GRM1: variants seen among roughly 807,000 people sequenced by gnomAD.
GRM1 encodes glutamate metabotropic receptor 1, also known as metabotropic glutamate receptor 1.
In GRM1, 33 loss-of-function variants were observed where a neutral mutation model predicts 90.9. The ratio of observed to expected loss-of-function variants is 0.36; its 90% CI spans 0.28 to 0.49. The LOEUF (loss-of-function observed/expected upper bound fraction) is 0.49. Ranked by LOEUF, GRM1 falls within the 20% of genes least tolerant of loss-of-function variation. The probability of loss-of-function intolerance (pLI) is 0.99; values close to 1 mark genes in which losing one functional copy is unlikely to be tolerated. For missense variants in GRM1, 1,190 were observed against 1,534.3 expected, an observed-to-expected ratio of 0.78 and a Z score of 3.75; for synonymous variants, 700 against 613.2, an observed-to-expected ratio of 1.14 and a Z score of -2.09.
At chr6:146,078,795 C>T (rs546806356) in intron 1 of GRM1, among the ~76,000 whole-genome samples, 14 of 152,142 alleles carry the variant, frequency 9.2e-5, no homozygotes, top group Non-Finnish European at 1.6e-4. Flanking sequence ...AGAACATAGA[C>T]AACGGTGTGT....
chr6:146,406,597 G>A (rs1777356621), intron 7 of GRM1, among the ~76,000 whole-genome samples: 1 of 152,124 alleles, frequency 6.6e-6, no homozygotes, highest in African/African-American at 2.4e-5. Context: ...GGGAGGCTGA[G>A]GTGGGTGAAT....
chr6:146,264,546 T>C (rs1301794802), intron 2 of GRM1, among the ~76,000 whole-genome samples: 1 of 151,744 alleles, frequency 6.6e-6, no homozygotes, highest in East Asian at 1.9e-4. Flanking sequence ...GATTCGGGGG[T>C]TACATGTGTA....
intron 3 of GRM1, 97 bp from the exon 4 acceptor site, chr6:146,352,153 C>G: frequency 7.8e-7 from 1 of 1,280,454 alleles, no homozygotes; most frequent in Middle Eastern, 2.0e-4. Context: ...TGCTCATTCC[C>G]TTCCTCTGAG....
At chr6:146,132,436 A>G (rs1293483169) in intron 1 of GRM1, among the ~76,000 whole-genome samples, 1 of 152,238 alleles carries the variant, frequency 6.6e-6, no homozygotes, top group African/African-American at 2.4e-5. Flanking sequence ...AAATGATTTC[A>G]TTATGAATGG....
At chr6:146,257,973 C>T (rs1352892650) in intron 2 of GRM1, among the ~76,000 whole-genome samples, 2 of 146,862 alleles carry the variant, frequency 1.4e-5, no homozygotes, top group Admixed American at 1.4e-4. Context: ...ACTTTCCATC[C>T]GTTTGTTCTT....
intron 5 of GRM1, among the ~76,000 whole-genome samples, chr6:146,377,984 A>G (rs1227473312): frequency 2.0e-5 from 3 of 152,204 alleles, no homozygotes; most frequent in Non-Finnish European, 4.4e-5. Context: ...AAATGGGCCA[A>G]TATAGTGCTC....
intron 5 of GRM1, among the ~76,000 whole-genome samples, chr6:146,375,904 TG>T (rs1028294804): frequency 5.3e-5 from 8 of 152,054 alleles, no homozygotes; most frequent in Admixed American, 2.0e-4. Context: ...CCTACCATTT[TG>T]TTATTTGTTT....
chr6:146,321,255 G>T (rs899784343), intron 3 of GRM1, among the ~76,000 whole-genome samples: 1 of 152,142 alleles, frequency 6.6e-6, no homozygotes, highest in African/African-American at 2.4e-5. Flanking sequence ...GGAGCAGGTT[G>T]TTCAGTTTCC....
intron 1 of GRM1, among the ~76,000 whole-genome samples, chr6:146,088,830 C>T (rs1019576415): frequency 2.0e-5 from 3 of 152,012 alleles, no homozygotes; most frequent in African/African-American, 7.2e-5. Context: ...TTCCCTTGTC[C>T]CCACATCTGT....
intron 5 of GRM1, among the ~76,000 whole-genome samples, chr6:146,377,936 C>A (rs1240564528): frequency 1.3e-5 from 2 of 152,114 alleles, no homozygotes; most frequent in African/African-American, 4.8e-5. Context: ...TGTGTGTGCA[C>A]CCTAGGGATT....
At chr6:146,413,367 G>GA (rs1562681823) in intron 7 of GRM1, among the ~76,000 whole-genome samples, 2 of 151,838 alleles carry the variant, frequency 1.3e-5, no homozygotes, top group African/African-American at 4.8e-5. Flanking sequence ...GATTGTATTA[G>GA]GTCAATATTC....
intron 1 of GRM1, among the ~76,000 whole-genome samples, chr6:146,151,294 A>G (rs762970397): frequency 1.2e-4 from 19 of 152,210 alleles, no homozygotes; most frequent in Non-Finnish European, 2.6e-4. Flanking sequence ...TATTTTCTCT[A>G]TATGAATGTT....
intron 1 of GRM1, among the ~76,000 whole-genome samples, chr6:146,153,794 G>C (rs1157586298): frequency 6.6e-6 from 1 of 152,062 alleles, no homozygotes; most frequent in Non-Finnish European, 1.5e-5. Context: ...CTTAAAAGTT[G>C]AACAGCAACA....
At chr6:146,298,197 T>C (rs1783252172) in intron 2 of GRM1, among the ~76,000 whole-genome samples, 1 of 152,226 alleles carries the variant, frequency 6.6e-6, no homozygotes, top group African/African-American at 2.4e-5. Context: ...ATATATACTT[T>C]TGTGCCCTTT....
intron 2 of GRM1, among the ~76,000 whole-genome samples, chr6:146,214,173 C>T (rs1053863668): frequency 6.6e-6 from 1 of 152,164 alleles, no homozygotes; most frequent in Non-Finnish European, 1.5e-5. Flanking sequence ...TGGAAATACT[C>T]TCATTCTAGA....
intron 1 of GRM1, among the ~76,000 whole-genome samples, chr6:146,157,155 C>T (rs185710872): frequency 3.6e-4 from 55 of 152,160 alleles, no homozygotes; most frequent in African/African-American, 1.2e-3. Flanking sequence ...GGATTGAGTC[C>T]TGGTATGACA....
At chr6:146,092,615 G>A (rs1562458344) in intron 1 of GRM1, among the ~76,000 whole-genome samples, 1 of 151,988 alleles carries the variant, frequency 6.6e-6, no homozygotes, top group Non-Finnish European at 1.5e-5. Context: ...CTTGGATCAA[G>A]GACACTAGCA....
At chr6:146,367,661 C>T (rs867874078) in intron 5 of GRM1, among the ~76,000 whole-genome samples, 3 of 152,082 alleles carry the variant, frequency 2.0e-5, no homozygotes, top group Non-Finnish European at 4.4e-5. Context: ...TGAGAACCTG[C>T]AGTGTTTGCA....
At chr6:146,422,089 T>C (rs1778016933) in intron 7 of GRM1, among the ~76,000 whole-genome samples, 1 of 152,130 alleles carries the variant, frequency 6.6e-6, no homozygotes, top group Non-Finnish European at 1.5e-5. Flanking sequence ...CATGGTGAGC[T>C]TTCTATATTT....
Sources: gnomAD v4.1 joint callset for allele counts (sites outside exome capture counted in the v4.1 genomes callset) on GRCh38, gnomAD v4.1.1 for gene constraint, MANE v1.5 for transcripts, NCBI Gene and HGNC (gene_info 2026-07-23, HGNC 2026-07-21) for gene names.